APPL1: variants seen among roughly 807,000 people sequenced by gnomAD.
The protein encoded by APPL1 is adaptor protein, phosphotyrosine interacting with PH domain and leucine zipper 1.
In APPL1, 42 loss-of-function variants were observed where a neutral mutation model predicts 106.8. That is an observed-to-expected ratio of 0.39 (90% CI 0.31 to 0.51). The LOEUF (loss-of-function observed/expected upper bound fraction) is 0.51, where lower values mean the gene tolerates loss of function less well. Ranked by LOEUF, APPL1 falls within the 20% of genes least tolerant of loss-of-function variation. The pLI, the probability that APPL1 is intolerant of heterozygous loss-of-function variation, is 0.75. For synonymous variants in APPL1, 263 were observed against 281.8 expected, an observed-to-expected ratio of 0.93 and a Z score of 0.67; for missense variants, 769 against 858.2, an observed-to-expected ratio of 0.90 and a Z score of 1.30.
intron 3 of APPL1, 78 bp downstream of exon 3, chr3:57,237,629 T>G: frequency 9.6e-7 from 1 of 1,037,986 alleles, no homozygotes. Context: ...CAAGAATCCT[T>G]AAGTTTTCTT....
intron 11 of APPL1, among the ~76,000 whole-genome samples, chr3:57,251,476 G>C (rs904466164): frequency 1.0e-4 from 15 of 146,302 alleles, no homozygotes; most frequent in Non-Finnish European, 3.0e-5. Context: ...AGTGAGCCGA[G>C]ATCGCGCCAC....
At chr3:57,246,265 T>G in intron 8 of APPL1, 43 bp downstream of exon 8, 1 of 1,400,202 alleles carries the variant, frequency 7.1e-7, no homozygotes, top group Middle Eastern at 2.0e-4. Flanking sequence ...TCCTAAAAGT[T>G]TTATATTAAG....
chr3:57,266,482 G>T (rs571754524), intron 19 of APPL1, among the ~76,000 whole-genome samples: 153 of 152,214 alleles, frequency 1.0e-3, no homozygotes, highest in African/African-American at 3.6e-3. Context: ...TTACTAGCAT[G>T]TAGTTGCTCA....
intron 12 of APPL1, 28 bp from the exon 13 acceptor site, chr3:57,253,654 T>G (rs553926095): frequency 4.9e-5 from 69 of 1,397,002 alleles, no homozygotes; most frequent in Non-Finnish European, 6.4e-5. Flanking sequence ...GAAAAAAAAT[T>G]ATATTTTTCT....
In APPL1 at chr3:57,259,858, T is replaced by C; in HGVS notation, c.1497T>C (p.His499=). 6.3e-7 allele frequency: 1 copy of C among 1,594,614 alleles called. No homozygotes were observed. The highest frequency in any genetic ancestry group is 8.5e-7 in the Non-Finnish European group (1 of 1,173,646). The change falls in exon 17 of 22, where the codon CAT becomes CAC. Residue 499 remains histidine (H), a synonymous_variant. Transcript: ENST00000288266. The stretch of plus-strand genomic sequence containing the variant: ...GTTCTATTATAGATTCTATTCTTCA[T>C]CAGTTATTTATTGTCCGATTCCTTG... ...TKSETEDSIL[H]QLFIVRFLGS... is the part of the protein sequence containing the mutation.
rs2060958055 is a variant in APPL1 at position 57,273,193 on chromosome 3, T to G, written c.*3506T>G. ...TAATATGCAAAATTGCTTTGTATAT[T>G]TGGTGATTTTGTAATGTAAGTGAAT... On this transcript the variant is annotated 3_prime_UTR_variant, in exon 22 of 22. Transcript: ENST00000288266. 6.6e-6 allele frequency: 1 copy of G among 152,654 alleles called. No homozygotes were observed. Among genetic ancestry groups the G allele is most frequent in the African/African-American group, 2.4e-5 (1 of 41,452 alleles). The allele number at this position is 152,654 out of a possible 1,614,324, so 9.5% of individuals were successfully genotyped here.
chr3:57,254,510 G>A (rs559157983), intron 13 of APPL1, among the ~76,000 whole-genome samples: 1 of 152,338 alleles, frequency 6.6e-6, no homozygotes, highest in South Asian at 2.1e-4. Flanking sequence ...TGGAGATGGT[G>A]GAAACCTGAG....
Position 57,268,092 on chromosome 3 carries a change from C to CAA in APPL1, c.1894-295_1894-294dup, listed in dbSNP as rs763894298. Reference sequence around the variant, plus strand: ...TGGGCAACAGAGCGAGACTGTATCTCAAAAAAAAAAAAGGAATCCAAGATG... The same window carrying CAA: ...TGGGCAACAGAGCGAGACTGTATCTCAAAAAAAAAAAAAAGGAATCCAAGATG... On this transcript the variant is annotated intron_variant, in intron 20 of 21. Transcript: ENST00000288266. 2.1e-3 allele frequency: 785 copies of CAA among 368,254 alleles called. 5 individuals are homozygous for CAA. The highest frequency in any genetic ancestry group is 0.013 in the African/African-American group (573 of 44,728). 22.8% of individuals were successfully genotyped at this position (368,254 alleles called of 1,614,324 possible).
intron 15 of APPL1, 103 bp from the exon 16 acceptor site, chr3:57,258,925 G>A (rs931119499): frequency 4.5e-5 from 38 of 845,864 alleles, no homozygotes; most frequent in Non-Finnish European, 6.8e-5. Flanking sequence ...GCATTTTAGA[G>A]CTTTTTTTTT....
intron 15 of APPL1, among the ~76,000 whole-genome samples, chr3:57,257,878 A>G (rs1353700222): frequency 1.3e-5 from 2 of 152,228 alleles, no homozygotes; most frequent in African/African-American, 2.4e-5. Context: ...GTTTAGTTGT[A>G]TGATGAATAT....
intron 1 of APPL1, among the ~76,000 whole-genome samples, chr3:57,233,679 A>G (rs2060701070): frequency 6.6e-6 from 1 of 152,124 alleles, no homozygotes; most frequent in Admixed American, 6.6e-5. Context: ...GAAAATAGGG[A>G]CTTACTGGCA....
At chr3:57,263,433 C>T (rs1343328381) in intron 19 of APPL1, among the ~76,000 whole-genome samples, 1 of 146,308 alleles carries the variant, frequency 6.8e-6, no homozygotes, top group Non-Finnish European at 1.5e-5. Context: ...CCTCTGGTAA[C>T]CACCCTTCTG....
chr3:57,248,969 A>G (rs1325015369), intron 10 of APPL1, among the ~76,000 whole-genome samples: 1 of 152,210 alleles, frequency 6.6e-6, no homozygotes, highest in African/African-American at 2.4e-5. Context: ...TCCTACTTTA[A>G]TATATTTGTA....
chr3:57,238,082 C>G lies in APPL1; in HGVS notation c.251C>G (p.Ser84Cys). ...GGAGGTGATGATGAAGTTATGAGCTCTACATTGCAACAGTTTTCAAAAGTT... is the reference window on the plus strand; with the variant it reads ...GGAGGTGATGATGAAGTTATGAGCTGTACATTGCAACAGTTTTCAAAAGTT... ...PLGGDDEVMS[S>C]TLQQFSKVID... The change falls in exon 4 of 22, where the codon TCT becomes TGT. Residue 84 changes from serine (S) to cysteine (C), a missense_variant. By Grantham distance (112) the Ser-to-Cys change is moderately radical. Transcript: ENST00000288266. 6.2e-7 allele frequency: 1 copy of G among 1,611,604 alleles called. No individual in the cohort carries two copies. Among genetic ancestry groups the G allele is most frequent in the South Asian group, 1.1e-5 (1 of 90,198 alleles).
At chr3:57,265,015 T>C (rs1231028577) in intron 19 of APPL1, among the ~76,000 whole-genome samples, 1 of 152,194 alleles carries the variant, frequency 6.6e-6, no homozygotes, top group African/African-American at 2.4e-5. Flanking sequence ...AGGGATTGCA[T>C]TGAATCTATA....
intron 5 of APPL1, among the ~76,000 whole-genome samples, 181 bp downstream of exon 5, chr3:57,240,733 T>C (rs1018435491): frequency 5.3e-5 from 8 of 152,334 alleles, no homozygotes; most frequent in Admixed American, 4.6e-4. Flanking sequence ...GAAATACCGA[T>C]ATGGATAAGA....
Position 57,270,578 on chromosome 3 carries a change from AAAG to A in APPL1, c.*895_*897del, listed in dbSNP as rs1265610102. On this transcript the variant is annotated 3_prime_UTR_variant, in exon 22 of 22. Coordinates refer to ENST00000288266, the MANE Select transcript of APPL1 (RefSeq NM_012096.3). The stretch of plus-strand genomic sequence containing the variant: ...TTATTGAAAGTCAAGTGACATTTCA[AAAG>A]AAGTTCTATAACAATTATGTTTCAT... The A allele has an allele frequency of 5.2e-5, 8 of 152,682 alleles. No individual in the cohort carries two copies. The highest frequency in any genetic ancestry group is 1.9e-4 in the African/African-American group (8 of 41,468). 9.5% of individuals were successfully genotyped at this position (152,682 alleles called of 1,614,324 possible). A position where few individuals can be genotyped will look rare whatever the true frequency, so the allele number is the denominator to read the frequency against.
At chr3:57,240,369 A>G in intron 4 of APPL1, 96 bp from the exon 5 acceptor site, 1 of 930,584 alleles carries the variant, frequency 1.1e-6, no homozygotes, top group Non-Finnish European at 1.7e-6. Flanking sequence ...TATAAAATAT[A>G]TCAGAACCAT....
intron 2 of APPL1, among the ~76,000 whole-genome samples, chr3:57,236,439 C>A (rs1397087043): frequency 6.6e-6 from 1 of 151,574 alleles, no homozygotes; most frequent in Non-Finnish European, 1.5e-5. Context: ...AGCAATTCTT[C>A]TGACTCAGCC....
Sources: allele counts gnomAD v4.1 joint callset (sites outside exome capture counted in the v4.1 genomes callset), GRCh38; gene constraint gnomAD v4.1.1; transcripts MANE v1.5; gene names NCBI Gene and HGNC (gene_info 2026-07-23, HGNC 2026-07-21).